MPP7: variants seen among roughly 807,000 people sequenced by gnomAD.
The protein encoded by MPP7 is MAGUK p55 scaffold protein 7.
A neutral mutation model predicts 76.5 loss-of-function variants in MPP7; 60 were observed. That is an observed-to-expected ratio of 0.78 (90% CI 0.64 to 0.97). The LOEUF (loss-of-function observed/expected upper bound fraction) is 0.97, where lower values mean the gene tolerates loss of function less well. Among genes scored for constraint, MPP7 ranks in the 50% least tolerant of loss-of-function variants. MPP7 has a pLI of 0.00. For synonymous variants in MPP7, 237 were observed against 244.5 expected (o/e 0.97, Z 0.29); for missense variants, 641 against 694.0 (o/e 0.92, Z 0.86).
chr10:28,194,200 G>C (rs2133956783), intron 3 of MPP7, among the ~76,000 whole-genome samples: 1 of 152,254 alleles, frequency 6.6e-6, no homozygotes, highest in East Asian at 1.9e-4. Context: ...ATTTCTAGTA[G>C]AGATAGGGTT....
At chr10:28,069,251 C>T (rs1046169089) in intron 13 of MPP7, among the ~76,000 whole-genome samples, 2 of 152,080 alleles carry the variant, frequency 1.3e-5, no homozygotes, top group African/African-American at 2.4e-5. Flanking sequence ...AGGATAAATG[C>T]TTGAGGGAAT....
chr10:28,178,360 T>C (rs1230911765), intron 3 of MPP7, among the ~76,000 whole-genome samples: 1 of 151,866 alleles, frequency 6.6e-6, no homozygotes. Flanking sequence ...TCAGCTCTTT[T>C]AACAACTCAC....
intron 2 of MPP7, among the ~76,000 whole-genome samples, chr10:28,323,277 T>A (rs1372699135): frequency 6.6e-6 from 1 of 151,410 alleles, no homozygotes. Context: ...AGAGCGACAC[T>A]CCATCTCAAA....
rs569476681 is a variant in MPP7 at position 28,322,855 on chromosome 10, A to T, written c.-132+7074T>A. 9.2e-5 allele frequency among the ~76,000 whole-genome samples: 14 copies of T among 152,210 alleles called. No homozygotes were observed. In the East Asian group the frequency reaches 2.7e-3, roughly 29 times the overall value. ...TTGCTCAGTTCTGTACATCATCTCA[A>T]AGTCACCTTCTGCCTCCATTGTTTC... On this transcript the variant is annotated intron_variant, in intron 2 of 11. Transcript: ENST00000441595.
intron 2 of MPP7, among the ~76,000 whole-genome samples, chr10:28,229,821 G>A (rs903721890): frequency 4.0e-5 from 6 of 151,888 alleles, no homozygotes; most frequent in East Asian, 3.9e-4. Context: ...CCCGGGAGGC[G>A]GAGCTTGCAG....
intron 1 of MPP7, among the ~76,000 whole-genome samples, chr10:28,278,716 A>T (rs1424215387): frequency 6.6e-6 from 1 of 152,056 alleles, no homozygotes; most frequent in Non-Finnish European, 1.5e-5. Context: ...AAGGATATAT[A>T]CAAATTCATA....
upstream of MPP7, among the ~76,000 whole-genome samples, chr10:28,306,329 A>T (rs1841255453): frequency 6.6e-6 from 1 of 152,200 alleles, no homozygotes; most frequent in African/African-American, 2.4e-5. Context: ...CTATCTCTTC[A>T]CCCTAATAGA....
intron 7 of MPP7, 46 bp downstream of exon 7, chr10:28,124,964 C>T (rs765283118): frequency 7.3e-6 from 11 of 1,515,228 alleles, no homozygotes; most frequent in South Asian, 2.2e-5. Flanking sequence ...ATGCTACACA[C>T]GAAACACGTG....
upstream of MPP7, chr10:28,305,979 A>G (rs1219272002): frequency 6.6e-6 from 1 of 152,210 alleles, no homozygotes; most frequent in Non-Finnish European, 1.5e-5. Context: ...GAGCAGTATT[A>G]ATCCTATTTG....
chr10:28,307,853 G>A (rs142335470), upstream of MPP7, among the ~76,000 whole-genome samples: 8 of 152,208 alleles, frequency 5.3e-5, no homozygotes, highest in East Asian at 3.9e-4. Flanking sequence ...AAAAAGAAGG[G>A]GGAAGAGTCC....
intron 11 of MPP7, among the ~76,000 whole-genome samples, chr10:28,107,300 C>T (rs1371319446): frequency 1.3e-5 from 2 of 152,172 alleles, no homozygotes; most frequent in Non-Finnish European, 2.9e-5. Flanking sequence ...CTTCAGGCTA[C>T]GATGATCACC....
At chr10:28,285,653 T>C (rs1005080613) in intron 1 of MPP7, among the ~76,000 whole-genome samples, 1 of 152,086 alleles carries the variant, frequency 6.6e-6, no homozygotes, top group Non-Finnish European at 1.5e-5. Flanking sequence ...TCATGAACAC[T>C]ACAAAAAGTG....
At chr10:28,232,735 T>G (rs1396365242) in intron 2 of MPP7, among the ~76,000 whole-genome samples, 1 of 152,158 alleles carries the variant, frequency 6.6e-6, no homozygotes. Context: ...AAACTATGTC[T>G]TATGTGTAGT....
intron 1 of MPP7, among the ~76,000 whole-genome samples, chr10:28,264,077 G>A (rs1247986679): frequency 2.6e-5 from 4 of 152,078 alleles, no homozygotes; most frequent in Admixed American, 2.6e-4. Context: ...CAGGATGAAC[G>A]CTTGAGGCCA....
At chr10:28,204,208 C>T (rs757257874) in intron 2 of MPP7, among the ~76,000 whole-genome samples, 1 of 152,042 alleles carries the variant, frequency 6.6e-6, no homozygotes, top group Non-Finnish European at 1.5e-5. Context: ...TTTGGGAGGC[C>T]GAGGTGGGCA....
intron 6 of MPP7, among the ~76,000 whole-genome samples, chr10:28,131,024 T>C (rs1019642727): frequency 2.0e-5 from 3 of 152,150 alleles, no homozygotes; most frequent in Non-Finnish European, 4.4e-5. Context: ...TAAGCTTTTT[T>C]TATTTTTAAA....
At chr10:28,129,746 C>T (rs529770239) in intron 6 of MPP7, among the ~76,000 whole-genome samples, 2 of 152,168 alleles carry the variant, frequency 1.3e-5, no homozygotes, top group African/African-American at 4.8e-5. Flanking sequence ...ATCTGAGACG[C>T]TTTTTAAAAT....
chr10:28,272,516 C>A (rs183263283), intron 1 of MPP7, among the ~76,000 whole-genome samples: 1 of 152,182 alleles, frequency 6.6e-6, no homozygotes, highest in Non-Finnish European at 1.5e-5. Flanking sequence ...AAAAGAAGTG[C>A]TTTTCATTGG....
intron 2 of MPP7, among the ~76,000 whole-genome samples, chr10:28,215,625 C>T (rs1482475780): frequency 6.6e-6 from 1 of 152,078 alleles, no homozygotes; most frequent in Non-Finnish European, 1.5e-5. Flanking sequence ...CCTGGGGTAG[C>T]ATGCTTAGAC....
Sources: gnomAD v4.1 joint callset for allele counts (sites outside exome capture counted in the v4.1 genomes callset) on GRCh38, gnomAD v4.1.1 for gene constraint, MANE v1.5 for transcripts, NCBI Gene and HGNC (gene_info 2026-07-23, HGNC 2026-07-21) for gene names.